RGPD2: variants seen among roughly 807,000 people sequenced by gnomAD.
RGPD2 encodes RANBP2-like and GRIP domain-containing protein 2.
Under a neutral mutation model 36.0 loss-of-function variants are expected in RGPD2, and 2 were observed. The ratio of observed to expected loss-of-function variants is 0.06; its 90% CI spans 0.02 to 0.17. The LOEUF is 0.17. Among genes scored for constraint, RGPD2 ranks in the 10% least tolerant of loss-of-function variants. RGPD2 has a pLI of 1.00. For synonymous variants in RGPD2, 19 were observed against 163.8 expected, an observed-to-expected ratio of 0.12 and a Z score of 6.75; for missense variants, 40 against 464.3, an observed-to-expected ratio of 0.09 and a Z score of 8.40.
At chr2:87,927,724 G>T in the RGPD2 span, among the ~76,000 whole-genome samples, 7 of 151,074 alleles carry the variant, frequency 4.6e-5, no homozygotes, top group Non-Finnish European at 1.0e-4. Flanking sequence ...AAAAAAAAAT[G>T]GAAACCTACT....
upstream of RGPD2, among the ~76,000 whole-genome samples, chr2:87,829,777 A>G (rs1686927701): frequency 1.3e-5 from 2 of 148,704 alleles, no homozygotes; most frequent in Admixed American, 6.7e-5. Flanking sequence ...CTAAAATTCA[A>G]GATGATATTT....
chr2:87,809,627 A>G (rs974682654), intron 6 of RGPD2, among the ~76,000 whole-genome samples: 2 of 141,964 alleles, frequency 1.4e-5, no homozygotes, highest in Non-Finnish European at 3.1e-5. Flanking sequence ...CAAAGGGCCC[A>G]TGAGTCCTGA....
At chr2:87,864,613 G>GATAC in the RGPD2 span, among the ~76,000 whole-genome samples, 20 of 43,006 alleles carry the variant, frequency 4.7e-4, no homozygotes, top group African/African-American at 1.1e-3. Flanking sequence ...TAGATAGATA[G>GATAC]ATAGATAGAT....
chr2:87,878,236 T>C, the RGPD2 span, among the ~76,000 whole-genome samples: 1 of 151,828 alleles, frequency 6.6e-6, no homozygotes, highest in Non-Finnish European at 1.5e-5. Context: ...TTTATTCTTT[T>C]TTCTCTATTC....
the RGPD2 span, among the ~76,000 whole-genome samples, chr2:87,985,118 G>T: frequency 7.5e-5 from 2 of 26,498 alleles, no homozygotes; most frequent in Non-Finnish European, 2.3e-4. Context: ...ACACCACTCT[G>T]CTGATTTTGT....
intron 1 of RGPD2, among the ~76,000 whole-genome samples, chr2:87,823,683 CA>C (rs1280759663): frequency 7.3e-6 from 1 of 136,270 alleles, no homozygotes; most frequent in Non-Finnish European, 1.6e-5. Context: ...AAAGGGAATT[CA>C]AAATAACAAA....
the RGPD2 span, among the ~76,000 whole-genome samples, chr2:87,915,175 A>G: frequency 6.6e-6 from 1 of 151,396 alleles, no homozygotes; most frequent in East Asian, 1.9e-4. Flanking sequence ...CTAAATAAAA[A>G]GGAAACTTGT....
At chr2:87,798,864 T>A (rs1478413771) in intron 8 of RGPD2, among the ~76,000 whole-genome samples, 2 of 93,514 alleles carry the variant, frequency 2.1e-5, no homozygotes, top group Non-Finnish European at 4.7e-5. Context: ...TAAGACTGTC[T>A]CAGGAAAAAA....
chr2:87,912,112 C>A, the RGPD2 span, among the ~76,000 whole-genome samples: 1 of 149,480 alleles, frequency 6.7e-6, no homozygotes, highest in South Asian at 2.2e-4. Context: ...TTAAAGAATT[C>A]TTCGATTGTA....
chr2:87,928,935 G>T, the RGPD2 span, among the ~76,000 whole-genome samples: 2 of 151,634 alleles, frequency 1.3e-5, no homozygotes, highest in Non-Finnish European at 2.9e-5. Context: ...CTTTCTTATA[G>T]ATTCAGGATA....
At chr2:87,881,050 A>C in the RGPD2 span, among the ~76,000 whole-genome samples, 2 of 152,100 alleles carry the variant, frequency 1.3e-5, no homozygotes, top group African/African-American at 4.8e-5. Flanking sequence ...ATCTCCGTTG[A>C]ATACATGTCA....
intron 22 of RGPD2, among the ~76,000 whole-genome samples, chr2:87,770,100 TA>T (rs1269185293): frequency 9.1e-6 from 1 of 109,486 alleles, no homozygotes; most frequent in Non-Finnish European, 2.0e-5. Context: ...AGTATGTCTG[TA>T]AAAAAAATTA....
In RGPD2 at chr2:87,790,030, CT is replaced by C. The variant is rs1403522557; in HGVS notation, c.2464-1192del. Among the ~76,000 whole-genome samples, 10 of 150,656 alleles carry C rather than the reference CT, an allele frequency of 6.6e-5. No individual in the cohort carries two copies. The South Asian group carries it at 8.3e-4, about 13-fold the overall frequency. ...AACCCTAGAACCTACAAAATGTCCC[CT>C]TACAAAACAGACACTTAACAGGAAA... is the stretch of plus-strand genomic sequence containing the variant. On this transcript the variant is annotated intron_variant, in intron 17 of 22. Transcript: ENST00000398146.
the RGPD2 span, among the ~76,000 whole-genome samples, chr2:87,858,151 G>T: frequency 6.6e-6 from 1 of 152,122 alleles, no homozygotes; most frequent in African/African-American, 2.4e-5. Flanking sequence ...GGTGGTGCGT[G>T]CCTGTAATCC....
chr2:87,947,786 CG>C, the RGPD2 span, among the ~76,000 whole-genome samples: 4 of 152,300 alleles, frequency 2.6e-5, no homozygotes, highest in African/African-American at 9.6e-5. Context: ...GTTGCAATTC[CG>C]GTTTTCCTCA....
chr2:87,841,488 A>G, the RGPD2 span, among the ~76,000 whole-genome samples: 6 of 152,272 alleles, frequency 3.9e-5, no homozygotes, highest in East Asian at 1.2e-3. Context: ...TAAATTTTAA[A>G]TATAGGTTTG....
At chr2:87,879,208 T>C in the RGPD2 span, among the ~76,000 whole-genome samples, 1 of 151,982 alleles carries the variant, frequency 6.6e-6, no homozygotes, top group Non-Finnish European at 1.5e-5. Flanking sequence ...GTACATAAGA[T>C]ACTTTGATAT....
chr2:87,934,497 G>A, the RGPD2 span, among the ~76,000 whole-genome samples: 1 of 143,796 alleles, frequency 7.0e-6, no homozygotes, highest in Non-Finnish European at 1.5e-5. Context: ...ACCACCAACG[G>A]TTACATGGTG....
At chr2:87,957,838 C>T in the RGPD2 span, among the ~76,000 whole-genome samples, 2 of 152,294 alleles carry the variant, frequency 1.3e-5, no homozygotes, top group Non-Finnish European at 2.9e-5. Flanking sequence ...TGGAGCTTTG[C>T]ACATCATTGC....
Sources: allele counts gnomAD v4.1 joint callset (sites outside exome capture counted in the v4.1 genomes callset), GRCh38; gene constraint gnomAD v4.1.1; transcripts MANE v1.5; gene names NCBI Gene and HGNC (gene_info 2026-07-23, HGNC 2026-07-21).